The following MAP2 variants were observed in gnomAD, a reference collection of about 807,000 sequenced individuals.
The protein encoded by MAP2 is microtubule-associated protein 2.
Under a neutral mutation model 137.6 loss-of-function variants are expected in MAP2, and 14 were observed. That is an observed-to-expected ratio of 0.10 (90% CI 0.07 to 0.16). The LOEUF (loss-of-function observed/expected upper bound fraction) is 0.16. MAP2 is among the 10% of genes least tolerant of loss of function. The pLI is 1.00. For synonymous variants in MAP2, 786 were observed against 782.3 expected, an observed-to-expected ratio of 1.00 and a Z score of -0.08; for missense variants, 2,088 against 2,191.5, an observed-to-expected ratio of 0.95 and a Z score of 0.94.
Position 209,564,995 on chromosome 2 carries a change from G to GA in MAP2, c.-171-15039dup, listed in dbSNP as rs551289772. ...GTGATGTGTCTCCGCCCCTTGCTGT[G>GA]AACACCTCAGTTGTCTTGACTCCCA... On this transcript the variant is annotated intron_variant, in intron 2 of 15. Coordinates refer to ENST00000682079, the MANE Select transcript of MAP2 (RefSeq NM_001375505.1). 9.9e-5 allele frequency among the ~76,000 whole-genome samples: 15 copies of GA among 152,160 alleles called. No individual in the cohort carries two copies. In the South Asian group the frequency reaches 2.9e-3, roughly 29 times the overall value.
chr2:209,632,348 G>A (rs2093158262), intron 4 of MAP2, among the ~76,000 whole-genome samples: 1 of 152,094 alleles, frequency 6.6e-6, no homozygotes, highest in Non-Finnish European at 1.5e-5. Context: ...ATTCACATTG[G>A]TGGGGAGAAG....
At chr2:209,462,996 CACGTGCACACAAAT>C (rs1006553685) in intron 1 of MAP2, among the ~76,000 whole-genome samples, 10 of 152,102 alleles carry the variant, frequency 6.6e-5, no homozygotes, top group African/African-American at 1.4e-4. Flanking sequence ...CACACACACA[CACGTGCACACAAAT>C]ACGTGCACAC....
chr2:209,583,779 T>TTTC (rs1260379813), intron 3 of MAP2, among the ~76,000 whole-genome samples: 1 of 151,382 alleles, frequency 6.6e-6, no homozygotes, highest in African/African-American at 2.4e-5. Flanking sequence ...ATTTTTTTTT[T>TTTC]TTCAGATTTT....
At chr2:209,519,321 T>G (rs373819911) in intron 2 of MAP2, among the ~76,000 whole-genome samples, 66 of 152,236 alleles carry the variant, frequency 4.3e-4, no homozygotes, top group African/African-American at 1.6e-3. Flanking sequence ...AGCCCCATCC[T>G]AAATTCTTCA....
At chr2:209,630,494 C>A (rs906147527) in intron 4 of MAP2, among the ~76,000 whole-genome samples, 16 of 152,020 alleles carry the variant, frequency 1.1e-4, no homozygotes, top group African/African-American at 3.9e-4. Context: ...ATGGAATAGA[C>A]CAGGTGGTGC....
chr2:209,579,022 T>G (rs560553282), intron 2 of MAP2, among the ~76,000 whole-genome samples: 2 of 152,092 alleles, frequency 1.3e-5, no homozygotes, highest in Non-Finnish European at 2.9e-5. Flanking sequence ...TAGGAAAATA[T>G]ACATAAATAT....
chr2:209,571,558 A>C, intron 2 of MAP2, among the ~76,000 whole-genome samples: 1 of 152,068 alleles, frequency 6.6e-6, no homozygotes, highest in East Asian at 1.9e-4. Context: ...TTGTTCAACT[A>C]TTATAGTTTT....
chr2:209,496,413 C>G lies in MAP2; in HGVS notation c.-221-11179C>G, dbSNP rs540740854. ...TATACAATAATATGAGCTGTCTAGA[C>G]AACTTAATTCTATGTTTTGGAACAT... On this transcript the variant is annotated intron_variant, in intron 1 of 15. Transcript: ENST00000682079. 6.6e-4 allele frequency among the ~76,000 whole-genome samples: 101 copies of G among 152,286 alleles called. 2 individuals are homozygous for G. Among genetic ancestry groups the G allele is most frequent in the Non-Finnish European group, 9.3e-4 (63 of 68,030 alleles).
intron 7 of MAP2, among the ~76,000 whole-genome samples, chr2:209,688,450 A>C (rs2057823697): frequency 6.6e-6 from 1 of 152,218 alleles, no homozygotes; most frequent in Non-Finnish European, 1.5e-5. Flanking sequence ...GATCTTTAAA[A>C]GAGAAAGAAT....
rs900025314 is a variant in MAP2, at chr2:209,733,053, G to A, written c.*2656G>A. The A allele has an allele frequency of 3.3e-5, 5 of 152,478 alleles. No individual in the cohort carries two copies. Among genetic ancestry groups the A allele is most frequent in the Non-Finnish European group, 5.9e-5 (4 of 68,022 alleles). The allele number at this position is 152,478 out of a possible 1,614,324, so 9.4% of individuals were successfully genotyped here. ...ACCACTCTTGTGGGGACACACATAC[G>A]CTGATCTAGGAATGAAATCTTCGTG... On this transcript the variant is annotated 3_prime_UTR_variant, in exon 16 of 16. Coordinates refer to ENST00000682079, the MANE Select transcript of MAP2 (RefSeq NM_001375505.1).
At chr2:209,427,829 T>C (rs1167872815) in intron 1 of MAP2, among the ~76,000 whole-genome samples, 1 of 150,576 alleles carries the variant, frequency 6.6e-6, no homozygotes, top group East Asian at 1.9e-4. Context: ...TGTATGAAGG[T>C]TTGGGTGGGT....
chr2:209,683,803 T>C lies in MAP2; in HGVS notation c.454+2976T>C, dbSNP rs186933336. On this transcript the variant is annotated intron_variant, in intron 7 of 15. Transcript: ENST00000682079. ...CTGCAGTCTGATCCTTTTATACAAA[T>C]GGAAGAAAGCTCTTTTGTTAGATTA... Among the ~76,000 whole-genome samples the C allele has an allele frequency of 2.0e-5, 3 of 152,318 alleles. No homozygotes were observed. In the East Asian group the frequency reaches 5.8e-4, roughly 29 times the overall value.
intron 1 of MAP2, among the ~76,000 whole-genome samples, chr2:209,424,552 G>C (rs570444734): frequency 4.6e-5 from 7 of 152,306 alleles, no homozygotes; most frequent in Non-Finnish European, 7.3e-5. Flanking sequence ...GTACCACTTT[G>C]AAACAACTGA....
chr2:209,582,657 TGATAGATAGATA>T (rs66881504), intron 3 of MAP2, among the ~76,000 whole-genome samples: 35,128 of 149,592 alleles, frequency 0.23, 4,790 homozygotes, highest in Middle Eastern at 0.31. Flanking sequence ...GATAGATAGA[TGATAGATAGATA>T]GATAGATAGA....
At chr2:209,507,185 A>G (rs1010751277) in intron 1 of MAP2, among the ~76,000 whole-genome samples, 1 of 152,126 alleles carries the variant, frequency 6.6e-6, no homozygotes, top group African/African-American at 2.4e-5. Context: ...GGACACTAGC[A>G]TTCAGTCTAT....
chr2:209,644,645 T>G (rs373971556), intron 4 of MAP2, among the ~76,000 whole-genome samples: 3 of 131,652 alleles, frequency 2.3e-5, no homozygotes, highest in South Asian at 2.4e-4. Flanking sequence ...CACTCTAGCC[T>G]GGGCAACGAC....
chr2:209,729,358 A>G (rs1027916215), intron 14 of MAP2, among the ~76,000 whole-genome samples: 1 of 152,220 alleles, frequency 6.6e-6, no homozygotes, highest in Admixed American at 6.5e-5. Context: ...TTGAACATTC[A>G]TAAATGAATA....
In MAP2 at chr2:209,631,005, C is replaced by CAAAAAAAAAAAAAAAAAAAAAAAAAAAA. The variant is rs776266690; in HGVS notation, c.-30+5879_-30+5906dup. 1.4e-4 allele frequency among the ~76,000 whole-genome samples: 6 copies of CAAAAAAAAAAAAAAAAAAAAAAAAAAAA among 42,138 alleles called. 2 individuals are homozygous for CAAAAAAAAAAAAAAAAAAAAAAAAAAAA. The highest frequency in any genetic ancestry group is 2.3e-4 in the Non-Finnish European group (5 of 22,070). The allele number at this position is 42,138 out of a possible 152,430, so 27.6% of individuals were successfully genotyped here. On this transcript the variant is annotated intron_variant, in intron 4 of 15. Transcript: ENST00000682079. ...TTTCAAGATTGAAGGGAGCTACAAG[C>CAAAAAAAAAAAAAAAAAAAAAAAAAAAA]AAAAAAAAAAAAAAAAAAAAAAAAA...
At chr2:209,556,799 C>A (rs866929425) in intron 2 of MAP2, among the ~76,000 whole-genome samples, 2 of 151,830 alleles carry the variant, frequency 1.3e-5, no homozygotes, top group Admixed American at 6.6e-5. Flanking sequence ...TTCTAACCTA[C>A]GTTGTAAAAA....
Sources: gnomAD v4.1 joint callset for allele counts (sites outside exome capture counted in the v4.1 genomes callset) on GRCh38, gnomAD v4.1.1 for gene constraint, MANE v1.5 for transcripts, NCBI Gene and HGNC (gene_info 2026-07-23, HGNC 2026-07-21) for gene names.